Variants in STEAP1B observed in about 807,000 individuals in gnomAD.
STEAP1B encodes STEAP family protein MGC87042.
In STEAP1B, 13 loss-of-function variants were observed where a neutral mutation model predicts 27.9. The ratio of observed to expected loss-of-function variants is 0.47; its 90% CI spans 0.30 to 0.74. The LOEUF (loss-of-function observed/expected upper bound fraction) is 0.74, where lower values mean the gene tolerates loss of function less well. Ranked by LOEUF, STEAP1B falls within the 30% of genes least tolerant of loss-of-function variation. The pLI is 0.06. For missense variants in STEAP1B, 250 were observed against 298.7 expected (o/e 0.84, Z 1.20); for synonymous variants, 86 against 107.1 (o/e 0.80, Z 1.22).
At chr7:22,478,076 G>C (rs141620596) in intron 4 of STEAP1B, among the ~76,000 whole-genome samples, 88 of 152,298 alleles carry the variant, frequency 5.8e-4, no homozygotes, top group African/African-American at 1.9e-3. Context: ...CTGAGAGTGG[G>C]GTGGGCGCTC....
At chr7:22,476,046 T>A (rs548662438) in intron 4 of STEAP1B, among the ~76,000 whole-genome samples, 96 of 152,228 alleles carry the variant, frequency 6.3e-4, no homozygotes, top group African/African-American at 2.1e-3. Context: ...ATGGGGTGAA[T>A]TGGGGTTTGG....
chr7:22,458,516 G>T (rs904471699), intron 4 of STEAP1B, among the ~76,000 whole-genome samples: 1 of 152,188 alleles, frequency 6.6e-6, no homozygotes, highest in African/African-American at 2.4e-5. Context: ...AGTCAGCAGT[G>T]GTATGAATAT....
intron 4 of STEAP1B, among the ~76,000 whole-genome samples, chr7:22,453,928 G>A (rs1329729092): frequency 6.6e-6 from 1 of 152,170 alleles, no homozygotes; most frequent in Non-Finnish European, 1.5e-5. Context: ...ATACAGCAAT[G>A]TATCCATTCT....
intron 4 of STEAP1B, among the ~76,000 whole-genome samples, chr7:22,448,163 CT>C (rs957884414): frequency 6.6e-6 from 1 of 152,116 alleles, no homozygotes; most frequent in African/African-American, 2.4e-5. Context: ...CCTCTTGAAC[CT>C]TTTTCAGATG....
chr7:22,473,596 C>A (rs781379499), intron 4 of STEAP1B, among the ~76,000 whole-genome samples: 30 of 152,156 alleles, frequency 2.0e-4, no homozygotes, highest in Non-Finnish European at 2.4e-4. Flanking sequence ...TCAAAAACAG[C>A]CAGATTTTCT....
chr7:22,465,887 T>C (rs2128409301), intron 4 of STEAP1B, among the ~76,000 whole-genome samples: 1 of 152,310 alleles, frequency 6.6e-6, no homozygotes, highest in Middle Eastern at 3.4e-3. Flanking sequence ...CACCTCCTAA[T>C]GGCCTCCACC....
At chr7:22,483,685 G>A (rs749626090) in intron 4 of STEAP1B, among the ~76,000 whole-genome samples, 81 of 152,112 alleles carry the variant, frequency 5.3e-4, no homozygotes, top group Non-Finnish European at 8.2e-4. Context: ...TACCGTAATT[G>A]TTTTGGGATA....
chr7:22,443,171 ACT>A (rs1282888580), intron 4 of STEAP1B, among the ~76,000 whole-genome samples: 2 of 152,118 alleles, frequency 1.3e-5, no homozygotes, highest in South Asian at 4.1e-4. Flanking sequence ...TCCTGGAACA[ACT>A]CTGTTCTACC....
intron 1 of STEAP1B, 85 bp from the exon 2 acceptor site, chr7:22,494,971 T>C: frequency 1.5e-6 from 1 of 676,304 alleles, no homozygotes. Flanking sequence ...ATTTACTTGC[T>C]TAAAGACTAG....
chr7:22,465,306 C>G (rs551876323), intron 4 of STEAP1B, among the ~76,000 whole-genome samples: 3 of 152,110 alleles, frequency 2.0e-5, no homozygotes, highest in Admixed American at 1.3e-4. Flanking sequence ...AGACCATGGT[C>G]GACCTTGGAT....
At chr7:22,428,115 C>A (rs1295315485) in intron 4 of STEAP1B, among the ~76,000 whole-genome samples, 1 of 152,056 alleles carries the variant, frequency 6.6e-6, no homozygotes, top group Non-Finnish European at 1.5e-5. Context: ...ATGGAATCTG[C>A]CCTGAGAAGT....
chr7:22,449,572 T>C (rs141292232), intron 4 of STEAP1B, among the ~76,000 whole-genome samples: 222 of 152,374 alleles, frequency 1.5e-3, no homozygotes, highest in African/African-American at 5.0e-3. Context: ...TTCCAAAATC[T>C]TGGCTATTGT....
chr7:22,463,128 T>C (rs1251104317), intron 4 of STEAP1B, among the ~76,000 whole-genome samples: 1 of 152,078 alleles, frequency 6.6e-6, no homozygotes, highest in Non-Finnish European at 1.5e-5. Flanking sequence ...AAAATCAATG[T>C]ACAAAAATCA....
chr7:22,448,297 A>G lies in STEAP1B; in HGVS notation c.763-28461T>C, dbSNP rs556368583. On this transcript the variant is annotated intron_variant, in intron 4 of 4. Coordinates refer to ENST00000678116, the MANE Select transcript of STEAP1B (RefSeq NM_001382447.1). Reference sequence around the variant, plus strand: ...CATTTCTATATGGCCAAAGGAATATAGATACCAATTATATTTTTCCATTAT... The same window carrying G: ...CATTTCTATATGGCCAAAGGAATATGGATACCAATTATATTTTTCCATTAT... 5.4e-4 allele frequency among the ~76,000 whole-genome samples: 82 copies of G among 152,358 alleles called. 1 individual carries two copies. Among genetic ancestry groups the G allele is most frequent in the African/African-American group, 1.9e-3 (78 of 41,586 alleles).
At chr7:22,481,688 T>C (rs777700802) in intron 4 of STEAP1B, among the ~76,000 whole-genome samples, 2 of 152,266 alleles carry the variant, frequency 1.3e-5, no homozygotes, top group Admixed American at 6.5e-5. Flanking sequence ...CGTAACGGTC[T>C]ACTTTATAAA....
At chr7:22,441,831 C>A (rs901111942) in intron 4 of STEAP1B, among the ~76,000 whole-genome samples, 1 of 152,242 alleles carries the variant, frequency 6.6e-6, no homozygotes, top group African/African-American at 2.4e-5. Flanking sequence ...GCTTCACCAC[C>A]TGTATATAAA....
At chr7:22,474,555 T>C (rs557362053) in intron 4 of STEAP1B, among the ~76,000 whole-genome samples, 21 of 152,292 alleles carry the variant, frequency 1.4e-4, no homozygotes, top group Middle Eastern at 3.4e-3. Flanking sequence ...GACAGCTCTT[T>C]TAGGAAAATA....
At chr7:22,482,175 C>G (rs1168755708) in intron 4 of STEAP1B, among the ~76,000 whole-genome samples, 6 of 152,274 alleles carry the variant, frequency 3.9e-5, no homozygotes, top group African/African-American at 1.4e-4. Flanking sequence ...AACTGTCTTC[C>G]TTTCCTGCCC....
chr7:22,441,783 T>G (rs1189588853), intron 4 of STEAP1B, among the ~76,000 whole-genome samples: 1 of 152,262 alleles, frequency 6.6e-6, no homozygotes, highest in Admixed American at 6.5e-5. Flanking sequence ...AGACGTACTC[T>G]TACACCCCAA....
Sources: gnomAD v4.1 joint callset for allele counts (sites outside exome capture counted in the v4.1 genomes callset) on GRCh38, gnomAD v4.1.1 for gene constraint, MANE v1.5 for transcripts, NCBI Gene and HGNC (gene_info 2026-07-23, HGNC 2026-07-21) for gene names.